The following PCDHGB5 variants were observed in gnomAD, a reference collection of about 807,000 sequenced individuals.
PCDHGB5 encodes protocadherin gamma-B5.
A neutral mutation model predicts 62.9 loss-of-function variants in PCDHGB5; 48 were observed. The observed-to-expected ratio is 0.76, with a 90% CI of 0.61 to 0.97. PCDHGB5 has a LOEUF of 0.97. Ranked by LOEUF, PCDHGB5 falls within the 50% of genes least tolerant of loss-of-function variation. The probability of loss-of-function intolerance (pLI) is 0.00; values close to 1 mark genes in which losing one functional copy is unlikely to be tolerated. For synonymous variants in PCDHGB5, 474 were observed against 511.2 expected (o/e 0.93, Z 0.98); for missense variants, 1,118 against 1,198.6 (o/e 0.93, Z 0.99).
rs775012950 is a variant in PCDHGB5, at chr5:141,428,225, A to T, written c.2397+27701A>T. On this transcript the variant is annotated intron_variant, in intron 1 of 3. Coordinates refer to ENST00000617380, the MANE Select transcript of PCDHGB5 (RefSeq NM_018925.3). ...GCTACGCTTCACCTAGTCTTCGCAG[A>T]CAGCCTGCAGGAGGCACTGCCAGAC... is the stretch of plus-strand genomic sequence containing the variant. 19 of 1,156,574 alleles carry T rather than the reference A, an allele frequency of 1.6e-5. No homozygotes were observed. In the Admixed American group the frequency reaches 3.1e-4, roughly 19 times the overall value. 71.6% of individuals were successfully genotyped at this position (1,156,574 alleles called of 1,614,324 possible).
Position 141,413,494 on chromosome 5 carries a change from G to T in PCDHGB5, c.2397+12970G>T, listed in dbSNP as rs778441176. On this transcript the variant is annotated intron_variant, in intron 1 of 3. Transcript: ENST00000617380. ...GCTCTGCGCTCAGAGCGCGCGGTGCGTGGTGAGTTTTAATATCCTTGTGGA... is the reference window on the plus strand; with the variant it reads ...GCTCTGCGCTCAGAGCGCGCGGTGCTTGGTGAGTTTTAATATCCTTGTGGA... The T allele has an allele frequency of 5.0e-6, 8 of 1,614,042 alleles. No individual in the cohort carries two copies. The East Asian group carries it at 1.3e-4, about 27-fold the overall frequency.
intron 1 of PCDHGB5, chr5:141,421,025 A>G: frequency 5.7e-6 from 3 of 526,286 alleles, no homozygotes; most frequent in East Asian, 3.2e-5. Context: ...GCTGCGCGCC[A>G]TTGAGTCCCT....
intron 1 of PCDHGB5, chr5:141,418,303 G>T: frequency 6.2e-7 from 1 of 1,614,032 alleles, no homozygotes; most frequent in Middle Eastern, 1.6e-4. Flanking sequence ...CCGTCAGCCT[G>T]GGGATGGGAA....
At chr5:141,479,849 C>T (rs1014214860) in intron 1 of PCDHGB5, among the ~76,000 whole-genome samples, 7 of 152,208 alleles carry the variant, frequency 4.6e-5, no homozygotes. Context: ...AAGGTGACTG[C>T]AAGGCCTTTG....
intron 1 of PCDHGB5, among the ~76,000 whole-genome samples, chr5:141,492,949 A>G (rs1470301496): frequency 6.6e-6 from 1 of 152,226 alleles, no homozygotes; most frequent in African/African-American, 2.4e-5. Flanking sequence ...GGAGGTGACC[A>G]AACTATCTGA....
intron 1 of PCDHGB5, among the ~76,000 whole-genome samples, chr5:141,439,631 A>C (rs1459977985): frequency 2.0e-5 from 3 of 152,214 alleles, no homozygotes; most frequent in Non-Finnish European, 2.9e-5. Context: ...ATCCCCAGAC[A>C]TTCCGGCTTG....
At chr5:141,466,324 C>A (rs2154569179) in intron 1 of PCDHGB5, among the ~76,000 whole-genome samples, 1 of 152,218 alleles carries the variant, frequency 6.6e-6, no homozygotes, top group East Asian at 1.9e-4. Context: ...GCACATGCTA[C>A]CATGCCTGGA....
chr5:141,415,772 T>TC, intron 1 of PCDHGB5: 1 of 1,332,986 alleles, frequency 7.5e-7, no homozygotes. Context: ...TTTTTTTTTT[T>TC]ACTTTCTGGT....
At chr5:141,422,782 C>CG in intron 1 of PCDHGB5, 1 of 1,614,090 alleles carries the variant, frequency 6.2e-7, no homozygotes, top group South Asian at 1.1e-5. Context: ...CTATGCCCTA[C>CG]AATCCTTCGA....
intron 1 of PCDHGB5, chr5:141,417,651 A>G (rs2154547111): frequency 1.2e-6 from 1 of 822,038 alleles, no homozygotes; most frequent in Non-Finnish European, 1.8e-6. Flanking sequence ...CTCAGCCTCT[A>G]GCCTGGGATT....
At chr5:141,435,024 C>T (rs1263332887) in intron 1 of PCDHGB5, among the ~76,000 whole-genome samples, 3 of 151,970 alleles carry the variant, frequency 2.0e-5, no homozygotes, top group Non-Finnish European at 4.4e-5. Context: ...ATGCTCTTTT[C>T]CCACTTTTAT....
intron 1 of PCDHGB5, chr5:141,413,447 C>T: frequency 2.5e-6 from 4 of 1,614,088 alleles, no homozygotes; most frequent in Non-Finnish European, 3.4e-6. Flanking sequence ...TTGATCACCG[C>T]GGGCAGGATA....
chr5:141,409,045 C>T (rs1228603483), intron 1 of PCDHGB5: 1 of 1,613,878 alleles, frequency 6.2e-7, no homozygotes, highest in Non-Finnish European at 8.5e-7. Flanking sequence ...ACTACTACTT[C>T]CGAAGCACTG....
At position 141,413,561 on chromosome 5, in the gene PCDHGB5, AT is replaced by A. The variant is rs1363955348; in HGVS notation, c.2397+13038del. The stretch of plus-strand genomic sequence containing the variant: ...TTTGGGATAGAAATAGAAGTAACTG[AT>A]ATCAATGACAATGCTCCAAAATTCC... On this transcript the variant is annotated intron_variant, in intron 1 of 3. Coordinates refer to ENST00000617380, the MANE Select transcript of PCDHGB5 (RefSeq NM_018925.3). The A allele has an allele frequency of 6.2e-6, 10 of 1,613,806 alleles. No individual in the cohort carries two copies. In the Admixed American group the frequency reaches 1.3e-4, roughly 22 times the overall value.
intron 1 of PCDHGB5, among the ~76,000 whole-genome samples, chr5:141,425,350 A>G (rs926657846): frequency 6.6e-6 from 1 of 152,194 alleles, no homozygotes; most frequent in Non-Finnish European, 1.5e-5. Context: ...TGGCTTTGAA[A>G]TGTGATATTA....
chr5:141,501,453 C>T (rs567794395), intron 2 of PCDHGB5, among the ~76,000 whole-genome samples: 1 of 152,094 alleles, frequency 6.6e-6, no homozygotes, highest in Non-Finnish European at 1.5e-5. Flanking sequence ...TTTTACTTTT[C>T]ACTATTCCCC....
In PCDHGB5 at chr5:141,448,136, A is replaced by G. The variant is rs2098567363; in HGVS notation, c.2398-46671A>G. Among the ~76,000 whole-genome samples, 5 of 152,036 alleles carry G rather than the reference A, an allele frequency of 3.3e-5. No individual in the cohort carries two copies. The South Asian group carries it at 1.0e-3, about 32-fold the overall frequency. On this transcript the variant is annotated intron_variant, in intron 1 of 3. Transcript: ENST00000617380. ...AAAATTAGCCTCCCCCACCCTCACT[A>G]TACCTCAGACTCACCCCTGAAAGAT...
chr5:141,490,730 A>C lies in PCDHGB5; in HGVS notation c.2398-4077A>C. On this transcript the variant is annotated intron_variant, in intron 1 of 3. Coordinates refer to ENST00000617380, the MANE Select transcript of PCDHGB5 (RefSeq NM_018925.3). This position sits in a 1 kb window ranked among gnomAD's most constrained non-coding sequence, Gnocchi z 5.4. ...CTCACCTACTCCATTGTAGGAAATC[A>C]GGTTCAGGGAGCCCCAGCCTCCTCC... 6.2e-7 allele frequency: 1 copy of C among 1,614,188 alleles called. No homozygotes were observed. Among genetic ancestry groups the C allele is most frequent in the Non-Finnish European group, 8.5e-7 (1 of 1,180,024 alleles).
chr5:141,414,550 G>A (rs773044624), intron 1 of PCDHGB5: 1 of 1,613,948 alleles, frequency 6.2e-7, no homozygotes, highest in East Asian at 2.2e-5. Flanking sequence ...CTTCTCTCAA[G>A]TCTCCTACTT....
Sources: gnomAD v4.1 joint callset for allele counts (sites outside exome capture counted in the v4.1 genomes callset) on GRCh38, gnomAD v4.1.1 for gene constraint, Gnocchi (gnomAD v3.1) non-coding constraint, MANE v1.5 for transcripts, NCBI Gene and HGNC (gene_info 2026-07-23, HGNC 2026-07-21) for gene names.